The following ADAM2 variants were observed in gnomAD, a reference collection of about 807,000 sequenced individuals.
ADAM2 encodes the protein disintegrin and metalloproteinase domain-containing protein 2.
In ADAM2, 101 loss-of-function variants were observed where a neutral mutation model predicts 99.3. The observed-to-expected ratio is 1.02, with a 90% CI of 0.87 to 1.20. The LOEUF is 1.20. ADAM2 is among the 50% of genes most tolerant of loss of function. The pLI, the probability that ADAM2 is intolerant of heterozygous loss-of-function variation, is 0.00. For missense variants in ADAM2, 948 were observed against 878.7 expected, an observed-to-expected ratio of 1.08 and a Z score of -1.00; for synonymous variants, 323 against 287.6, an observed-to-expected ratio of 1.12 and a Z score of -1.25.
rs1805868914 is a variant in ADAM2, at chr8:39,837,289, T to A, written c.56-77A>T. 3 of 951,442 alleles carry A rather than the reference T, an allele frequency of 3.2e-6. No homozygotes were observed. The Admixed American group carries it at 6.5e-5, about 21-fold the overall frequency. The allele number at this position is 951,442 out of a possible 1,614,324, so 58.9% of individuals were successfully genotyped here. ...GTGTTTTATGAGTTTTTCATCTAAA[T>A]CTCTAATCTCTATTCTATACGCTGC... On this transcript the variant is annotated intron_variant, in intron 1 of 20. Transcript: ENST00000265708.
At chr8:39,787,081 C>T (rs1803495906) in intron 9 of ADAM2, 26 bp from the exon 10 acceptor site, 5 of 1,423,660 alleles carry the variant, frequency 3.5e-6, no homozygotes, top group African/African-American at 1.4e-5. Flanking sequence ...GGATCATAAT[C>T]ATATAATTTT....
intron 14 of ADAM2, 61 bp downstream of exon 14, chr8:39,766,787 C>G: frequency 6.5e-6 from 7 of 1,078,952 alleles, no homozygotes; most frequent in Non-Finnish European, 8.1e-6. Context: ...GTATCAGCAT[C>G]TATTTCTGTT....
intron 3 of ADAM2, among the ~76,000 whole-genome samples, chr8:39,833,386 G>A (rs953767078): frequency 1.3e-5 from 2 of 151,926 alleles, no homozygotes; most frequent in Non-Finnish European, 1.5e-5. Context: ...ATAATTTGTA[G>A]AAATCTGTTC....
chr8:39,823,587 C>T (rs1805285391), intron 4 of ADAM2, among the ~76,000 whole-genome samples: 1 of 151,606 alleles, frequency 6.6e-6, no homozygotes, highest in African/African-American at 2.4e-5. Context: ...AGGTAGGAAG[C>T]AGAGTTATGT....
chr8:39,771,214 T>G (rs552828697), intron 11 of ADAM2, among the ~76,000 whole-genome samples: 2 of 152,218 alleles, frequency 1.3e-5, no homozygotes, highest in Admixed American at 6.5e-5. Flanking sequence ...TTAGTATGCA[T>G]GCATGGTTCC....
chr8:39,810,888 A>G (rs1349671443), intron 6 of ADAM2, among the ~76,000 whole-genome samples: 1 of 152,186 alleles, frequency 6.6e-6, no homozygotes, highest in Non-Finnish European at 1.5e-5. Flanking sequence ...GAGAAGCAAG[A>G]GCAAACACAT....
intron 6 of ADAM2, among the ~76,000 whole-genome samples, chr8:39,814,123 C>T (rs998392594): frequency 3.3e-5 from 5 of 151,618 alleles, no homozygotes; most frequent in Non-Finnish European, 5.9e-5. Context: ...TTTGGGAGGC[C>T]GAGGTGGGTG....
intron 6 of ADAM2, among the ~76,000 whole-genome samples, chr8:39,817,361 G>A (rs1191586454): frequency 6.6e-6 from 1 of 152,028 alleles, no homozygotes; most frequent in Non-Finnish European, 1.5e-5. Flanking sequence ...GATGGGGAAA[G>A]GTTGGCTATT....
chr8:39,824,440 A>T lies in ADAM2; in HGVS notation c.267+379T>A, dbSNP rs372100830. Among the ~76,000 whole-genome samples, 28 of 152,282 alleles carry T rather than the reference A, an allele frequency of 1.8e-4. No individual in the cohort carries two copies. The East Asian group carries it at 3.3e-3, about 18-fold the overall frequency. ...TACTCCTAAACGTGTGTGAAACTTC[A>T]TGTGTACTTATTTGGTCCTTGAACA... On this transcript the variant is annotated intron_variant, in intron 4 of 20. Transcript: ENST00000265708.
chr8:39,797,825 T>C (rs985289032), intron 7 of ADAM2, among the ~76,000 whole-genome samples: 1 of 152,244 alleles, frequency 6.6e-6, no homozygotes. Flanking sequence ...AGTTCATTTA[T>C]GATTTGACTC....
intron 14 of ADAM2, among the ~76,000 whole-genome samples, chr8:39,763,210 GA>G (rs535778720): frequency 3.4e-5 from 5 of 147,938 alleles, no homozygotes; most frequent in African/African-American, 7.4e-5. Flanking sequence ...TCAGTTAAGT[GA>G]AAAAAAAAAT....
chr8:39,781,780 A>G (rs192762866), intron 10 of ADAM2, among the ~76,000 whole-genome samples: 2 of 152,314 alleles, frequency 1.3e-5, no homozygotes, highest in East Asian at 3.9e-4. Flanking sequence ...GTCTTGAAGA[A>G]TAACAGACTA....
At chr8:39,830,986 C>A (rs561104352) in intron 3 of ADAM2, among the ~76,000 whole-genome samples, 11 of 152,208 alleles carry the variant, frequency 7.2e-5, no homozygotes, top group Non-Finnish European at 1.5e-4. Flanking sequence ...TGTATGAGGG[C>A]ACAGCATGAA....
At chr8:39,761,779 C>A (rs603414) in intron 14 of ADAM2, among the ~76,000 whole-genome samples, 3 of 152,090 alleles carry the variant, frequency 2.0e-5, no homozygotes, top group Non-Finnish European at 2.9e-5. Flanking sequence ...AATTTTAATT[C>A]TCATAAGATC....
At chr8:39,835,188 A>C (rs924817720) in intron 2 of ADAM2, among the ~76,000 whole-genome samples, 3 of 152,118 alleles carry the variant, frequency 2.0e-5, no homozygotes, top group African/African-American at 7.2e-5. Context: ...TATGTTTACT[A>C]TTACCTCTTC....
At chr8:39,762,680 T>C (rs1406001105) in intron 14 of ADAM2, among the ~76,000 whole-genome samples, 3 of 152,302 alleles carry the variant, frequency 2.0e-5, no homozygotes, top group East Asian at 3.9e-4. Flanking sequence ...TACAGCAGGC[T>C]TCCCTGAAAA....
In ADAM2 at chr8:39,833,981, T is replaced by G. The variant is rs150036296; in HGVS notation, c.151A>C (p.Ile51Leu). ...IESQASYKIV[I>L]EGKPYTVNLM... ...TTCACAGTATATGGTTTCCCTTCAA[T>G]TACAATTTTGTAGGATGCCTGGCAG... The change falls in exon 3 of 21, where the codon ATT becomes CTT. Residue 51 changes from isoleucine (I) to leucine (L), a missense_variant. Coordinates refer to ENST00000265708, the MANE Select transcript of ADAM2 (RefSeq NM_001464.5). 82 of 1,577,206 alleles carry G rather than the reference T, an allele frequency of 5.2e-5. No individual in the cohort carries two copies. In the Middle Eastern group the frequency reaches 8.4e-4, roughly 16 times the overall value.
At chr8:39,778,912 C>G (rs921113040) in intron 10 of ADAM2, among the ~76,000 whole-genome samples, 7 of 152,006 alleles carry the variant, frequency 4.6e-5, no homozygotes, top group Non-Finnish European at 8.8e-5. Flanking sequence ...TTATACTTTT[C>G]TCTTTTTCTC....
intron 7 of ADAM2, among the ~76,000 whole-genome samples, chr8:39,800,537 T>C (rs1194701926): frequency 3.9e-5 from 6 of 152,126 alleles, no homozygotes; most frequent in Non-Finnish European, 8.8e-5. Flanking sequence ...ACTTTAACAG[T>C]GTTCTCTGTA....
Sources: gnomAD v4.1 joint callset for allele counts (sites outside exome capture counted in the v4.1 genomes callset) on GRCh38, gnomAD v4.1.1 for gene constraint, MANE v1.5 for transcripts, NCBI Gene and HGNC (gene_info 2026-07-23, HGNC 2026-07-21) for gene names.